Variants in NTRK2 observed in about 807,000 individuals in gnomAD.
NTRK2 encodes BDNF/NT-3 growth factors receptor.
Under a neutral mutation model 94.5 loss-of-function variants are expected in NTRK2, and 13 were observed. That is an observed-to-expected ratio of 0.14 (90% confidence interval 0.09 to 0.22). NTRK2 has a LOEUF of 0.22. Ranked by LOEUF, NTRK2 falls within the 10% of genes least tolerant of loss-of-function variation. NTRK2 has a pLI of 1.00. For missense variants in NTRK2, 639 were observed against 1,071.2 expected (o/e 0.60, Z 5.63); for synonymous variants, 372 against 407.4 (o/e 0.91, Z 1.05).
chr9:84,991,387 A>G (rs906872111), intron 17 of NTRK2, among the ~76,000 whole-genome samples: 3 of 152,178 alleles, frequency 2.0e-5, no homozygotes, highest in African/African-American at 7.2e-5. Flanking sequence ...AGTTATGCAG[A>G]TGAAGTCTCT....
intron 14 of NTRK2, chr9:84,877,995 A>T (rs919157442): frequency 4.1e-6 from 4 of 971,774 alleles, no homozygotes; most frequent in Non-Finnish European, 3.7e-6. Context: ...AGGCACCACG[A>T]ACAGAGCTCT....
chr9:84,741,876 CT>C lies in NTRK2; in HGVS notation c.1160-15del. 6.2e-7 allele frequency: 1 copy of C among 1,610,876 alleles called. No individual in the cohort carries two copies. The highest frequency in any genetic ancestry group is 8.5e-7 in the Non-Finnish European group (1 of 1,177,806). Reference sequence around the variant, plus strand: ...AAATGCATACTTACAAATCTTTGCTCTGTTTTGCCTTTTAGGTGCAAACCCA... The same window carrying C: ...AAATGCATACTTACAAATCTTTGCTCGTTTTGCCTTTTAGGTGCAAACCCA... On this transcript the variant is annotated splice_polypyrimidine_tract_variant and intron_variant, in intron 9 of 18. Transcript: ENST00000277120.
chr9:85,008,811 G>T (rs893800700), intron 17 of NTRK2, among the ~76,000 whole-genome samples: 1 of 152,212 alleles, frequency 6.6e-6, no homozygotes, highest in African/African-American at 2.4e-5. Context: ...GCAGGACTGT[G>T]TCAAATCCTG....
chr9:84,730,005 G>C (rs748571275), intron 9 of NTRK2, among the ~76,000 whole-genome samples: 3 of 152,104 alleles, frequency 2.0e-5, no homozygotes, highest in Non-Finnish European at 4.4e-5. Flanking sequence ...TTGTTTTCTG[G>C]TATAAGAATA....
intron 12 of NTRK2, among the ~76,000 whole-genome samples, chr9:84,782,162 C>T (rs2067653518): frequency 1.3e-5 from 2 of 152,032 alleles, no homozygotes; most frequent in South Asian, 4.2e-4. Flanking sequence ...TTGTTTGTCT[C>T]GTTAACTGCC....
At position 84,707,645 on chromosome 9, in the gene NTRK2, G is replaced by A. The variant is rs568638012; in HGVS notation, c.360-199G>A. Among the ~76,000 whole-genome samples the A allele has an allele frequency of 3.9e-5, 6 of 152,012 alleles. No homozygotes were observed. The South Asian group carries it at 1.0e-3, about 26-fold the overall frequency. On this transcript the variant is annotated intron_variant, in intron 4 of 18. Coordinates refer to ENST00000277120, the MANE Select transcript of NTRK2 (RefSeq NM_006180.6). ...CAATATATTTATGCTACCCCTCCCA[G>A]CAAAGAAAAAATTATAGACAAGGTT...
intron 17 of NTRK2, among the ~76,000 whole-genome samples, chr9:84,971,023 T>C (rs1393667407): frequency 2.6e-5 from 4 of 152,208 alleles, no homozygotes; most frequent in Non-Finnish European, 5.9e-5. Context: ...AGTGCCACAC[T>C]TACATTGTCA....
Position 85,021,523 on chromosome 9 carries a change from A to G in NTRK2, c.*86A>G. On this transcript the variant is annotated 3_prime_UTR_variant, in exon 19 of 19. Transcript: ENST00000277120. ...CATCTTTTAACTGCCGCTGGAGGCC[A>G]CCAAGCTGCTCTCCTTCACTCTGAC... 2 of 1,318,298 alleles carry G rather than the reference A, an allele frequency of 1.5e-6. No homozygotes were observed. The highest frequency in any genetic ancestry group is 2.4e-5 in the South Asian group (2 of 84,246). The allele number at this position is 1,318,298 out of a possible 1,614,324, so 81.7% of individuals were successfully genotyped here. A position where few individuals can be genotyped will look rare whatever the true frequency, so the allele number is the denominator to read the frequency against.
chr9:84,912,396 T>C (rs1366961892), intron 14 of NTRK2, among the ~76,000 whole-genome samples: 2 of 152,168 alleles, frequency 1.3e-5, no homozygotes, highest in African/African-American at 2.4e-5. Context: ...CTTTCAGTTA[T>C]ATCAGTTTGT....
At chr9:84,833,936 G>T (rs1301321215) in intron 12 of NTRK2, among the ~76,000 whole-genome samples, 1 of 152,202 alleles carries the variant, frequency 6.6e-6, no homozygotes, top group Non-Finnish European at 1.5e-5. Flanking sequence ...GAGAATTGCA[G>T]GAGGATGCCC....
At chr9:84,902,955 C>G (rs1455732260) in intron 14 of NTRK2, among the ~76,000 whole-genome samples, 2 of 152,210 alleles carry the variant, frequency 1.3e-5, no homozygotes, top group Non-Finnish European at 1.5e-5. Flanking sequence ...GTTTCACATG[C>G]TTACAAACAA....
rs17087962 is a variant in NTRK2 at position 84,962,053 on chromosome 9, G to A, written c.2172+6536G>A. ...TTGAGGCTATTATCACATTTCACAG[G>A]GGTTTTTGCCATGCCAAAGACTTTG... is the stretch of plus-strand genomic sequence containing the variant. On this transcript the variant is annotated intron_variant, in intron 17 of 18. Transcript: ENST00000277120. Among the ~76,000 whole-genome samples, 588 of 152,254 alleles carry A rather than the reference G, an allele frequency of 3.9e-3. 5 individuals carry two copies. The highest frequency in any genetic ancestry group is 0.013 in the African/African-American group (552 of 41,532).
At chr9:84,976,029 A>AGCTAG (rs1188178879) in intron 17 of NTRK2, among the ~76,000 whole-genome samples, 1 of 152,190 alleles carries the variant, frequency 6.6e-6, no homozygotes, top group Non-Finnish European at 1.5e-5. Context: ...AGAAGGACAT[A>AGCTAG]GCTAGCCTAT....
At chr9:84,835,000 G>A (rs909192997) in intron 12 of NTRK2, among the ~76,000 whole-genome samples, 1 of 152,178 alleles carries the variant, frequency 6.6e-6, no homozygotes, top group African/African-American at 2.4e-5. Flanking sequence ...ATTCCTGGTA[G>A]TGGGTATGGC....
intron 17 of NTRK2, among the ~76,000 whole-genome samples, chr9:84,998,229 G>C (rs1829975967): frequency 6.6e-6 from 1 of 152,172 alleles, no homozygotes; most frequent in Non-Finnish European, 1.5e-5. Context: ...CAATCACATG[G>C]ATACCAAAGA....
At chr9:84,744,873 A>G (rs1421674924) in intron 10 of NTRK2, 100 bp from the exon 11 acceptor site, 1 of 884,296 alleles carries the variant, frequency 1.1e-6, no homozygotes, top group African/African-American at 1.6e-5. Flanking sequence ...AATCTTTGTG[A>G]TTTGTCTTGC....
chr9:84,924,269 A>AAGAG (rs1418219195), intron 14 of NTRK2, among the ~76,000 whole-genome samples: 1 of 151,578 alleles, frequency 6.6e-6, no homozygotes, highest in East Asian at 1.9e-4. Context: ...GAAAGAAAGA[A>AAGAG]AGAAAGAAAG....
intron 12 of NTRK2, among the ~76,000 whole-genome samples, chr9:84,833,777 C>T (rs2073712931): frequency 6.6e-6 from 1 of 152,096 alleles, no homozygotes; most frequent in African/African-American, 2.4e-5. Context: ...CTTGATAACC[C>T]AAATCAAGTA....
At chr9:84,700,151 A>G (rs1191725847) in intron 2 of NTRK2, among the ~76,000 whole-genome samples, 1 of 151,998 alleles carries the variant, frequency 6.6e-6, no homozygotes, top group Admixed American at 6.6e-5. Context: ...CCAGAGGAAA[A>G]CTCGCCCACA....
Sources: allele counts gnomAD v4.1 joint callset (sites outside exome capture counted in the v4.1 genomes callset), GRCh38; gene constraint gnomAD v4.1.1; transcripts MANE v1.5; gene names NCBI Gene and HGNC (gene_info 2026-07-23, HGNC 2026-07-21).